The following RPS29 variants were observed in gnomAD, a reference collection of about 807,000 sequenced individuals.
The protein encoded by RPS29 is ribosomal protein S29, also known as small ribosomal subunit protein uS14.
For missense variants in RPS29, 60 were observed against 75.7 expected (o/e 0.79, Z 0.77); for synonymous variants, 37 against 26.9 (o/e 1.37, Z -1.16).
At chr14:49,587,979 T>C (rs1881627189), upstream of RPS29, among the ~76,000 whole-genome samples, 1 of 152,246 alleles carries the variant, frequency 6.6e-6, no homozygotes, top group Admixed American at 6.5e-5. Flanking sequence ...TGAAAAGGTA[T>C]TTTATTTTAA....
In RPS29 at chr14:49,584,001, TGA is replaced by T. The variant is rs369126250; in HGVS notation, c.163-328_163-327del. On this transcript the variant is annotated intron_variant, in intron 2 of 2. Transcript: ENST00000245458. Reference sequence around the variant, plus strand: ...ATTACACAGTTCATCATTTTTTTTTTGAGAGAGAGTCTCGCTGTCTCCCGGAC... The same window carrying T: ...ATTACACAGTTCATCATTTTTTTTTTGAGAGAGTCTCGCTGTCTCCCGGAC... Among the ~76,000 whole-genome samples the T allele has an allele frequency of 2.9e-3, 442 of 152,298 alleles. 2 individuals carry two copies. The highest frequency in any genetic ancestry group is 9.6e-3 in the African/African-American group (398 of 41,556).
chr14:49,585,766 T>A (rs1178788956), intron 2 of RPS29, 184 bp downstream of exon 2: 18 of 585,860 alleles, frequency 3.1e-5, no homozygotes, highest in Non-Finnish European at 5.2e-5. Flanking sequence ...TCCATTCTAT[T>A]AATTTGATTG....
rs543242670 is a variant in RPS29, at chr14:49,591,981, C to T, written c.-132-5503G>A. 2.7e-4 allele frequency among the ~76,000 whole-genome samples: 41 copies of T among 152,154 alleles called. 1 individual carries two copies. Among genetic ancestry groups the T allele is most frequent in the East Asian group, 1.9e-3 (10 of 5,180 alleles). On this transcript the variant is annotated intron_variant, in intron 1 of 3. Transcript: ENST00000556230. Reference sequence around the variant, plus strand: ...AATTTGATTTTCTGATGAGACAGAGCGTATTTTCCTATGTTTATAAGCCAG... The same window carrying T: ...AATTTGATTTTCTGATGAGACAGAGTGTATTTTCCTATGTTTATAAGCCAG...
chr14:49,582,675 C>T (rs79045334), downstream of RPS29, among the ~76,000 whole-genome samples: 1,253 of 152,286 alleles, frequency 8.2e-3, 15 homozygotes, highest in African/African-American at 0.029. Context: ...ACTTGGATTG[C>T]GTAGGGGCTC....
downstream of RPS29, among the ~76,000 whole-genome samples, chr14:49,581,971 A>T (rs956366737): frequency 7.0e-6 from 1 of 142,226 alleles, no homozygotes; most frequent in Non-Finnish European, 1.5e-5. Context: ...GCAGTGCGCC[A>T]CTGCACTCCA....
Position 49,586,380 on chromosome 14 carries a change from G to A in RPS29, c.-34C>T, listed in dbSNP as rs371058773. The A allele has an allele frequency of 2.2e-5, 35 of 1,598,118 alleles. No homozygotes were observed. The African/African-American group carries it at 3.5e-4, about 16-fold the overall frequency. ...CAGCAGTGCAACGAGGTAAAAGGAA[G>A]AAGCTGGCCCACGCATGCGCTCTTC... is the stretch of plus-strand genomic sequence containing the variant. On this transcript the variant is annotated 5_prime_UTR_variant, in exon 1 of 3. Coordinates refer to ENST00000245458, the MANE Select transcript of RPS29 (RefSeq NM_001032.5).
intron 2 of RPS29, among the ~76,000 whole-genome samples, chr14:49,585,101 G>A (rs11629047): frequency 1.3e-5 from 2 of 151,910 alleles, no homozygotes; most frequent in Non-Finnish European, 2.9e-5. Flanking sequence ...CGGGCGCGGT[G>A]GCTCACGCCT....
chr14:49,573,463 A>G (rs1423818357), exon 3 of RPS29: 8 of 149,624 alleles, frequency 5.3e-5, no homozygotes, highest in Admixed American at 5.3e-4. Context: ...ACAGAGTTAG[A>G]ATCAAAAAAA....
At chr14:49,586,418 C>G, upstream of RPS29, 2 of 1,359,940 alleles carry the variant, frequency 1.5e-6, no homozygotes, top group Admixed American at 3.4e-5. Context: ...ATTTTTGAGA[C>G]AGTTTACCCA....
At chr14:49,578,039 A>C (rs2139503376) in intron 2 of RPS29, among the ~76,000 whole-genome samples, 1 of 152,332 alleles carries the variant, frequency 6.6e-6, no homozygotes, top group Admixed American at 6.5e-5. Flanking sequence ...AACAGTTGAA[A>C]TAATCAGAGA....
exon 3 of RPS29, chr14:49,577,690 C>A: frequency 1.2e-6 from 1 of 816,166 alleles, no homozygotes; most frequent in African/African-American, 1.7e-5. Context: ...CTCTGTGTTT[C>A]CACCAGTTAC....
At chr14:49,575,559 T>G (rs1392770336) in exon 3 of RPS29, 1 of 152,210 alleles carries the variant, frequency 6.6e-6, no homozygotes, top group African/African-American at 2.4e-5. Flanking sequence ...CTCTAAATTA[T>G]TTTCTGGCTG....
intron 1 of RPS29, among the ~76,000 whole-genome samples, chr14:49,593,516 T>C (rs144078135): frequency 2.3e-4 from 35 of 151,874 alleles, no homozygotes; most frequent in Non-Finnish European, 3.8e-4. Flanking sequence ...CCAGCCTGAC[T>C]AACATGGTGA....
At chr14:49,582,673 T>G (rs1156451088), downstream of RPS29, among the ~76,000 whole-genome samples, 1 of 152,244 alleles carries the variant, frequency 6.6e-6, no homozygotes, top group African/African-American at 2.4e-5. Context: ...AAACTTGGAT[T>G]GCGTAGGGGC....
At chr14:49,598,674 C>T (rs1279219183) in exon 1 of RPS29, 1 of 700,308 alleles carries the variant, frequency 1.4e-6, no homozygotes. Flanking sequence ...CTGAAACCCT[C>T]GGAATCCTCC....
intron 2 of RPS29, among the ~76,000 whole-genome samples, chr14:49,584,200 C>T (rs1025340195): frequency 1.3e-5 from 2 of 152,234 alleles, no homozygotes; most frequent in Non-Finnish European, 2.9e-5. Flanking sequence ...TGCGGAAACC[C>T]TGGGCTCAAG....
chr14:49,596,895 C>T (rs1186062310), intron 1 of RPS29, among the ~76,000 whole-genome samples: 1 of 150,624 alleles, frequency 6.6e-6, no homozygotes, highest in Non-Finnish European at 1.5e-5. Flanking sequence ...CGCGCCGCCC[C>T]GCCCAACTAA....
At chr14:49,586,688 G>A (rs1398256700), upstream of RPS29, 1 of 286,474 alleles carries the variant, frequency 3.5e-6, no homozygotes, top group South Asian at 4.0e-5. Flanking sequence ...CCGATCGGGT[G>A]TCCGCACTAA....
upstream of RPS29, chr14:49,586,543 C>G: frequency 1.6e-6 from 1 of 608,368 alleles, no homozygotes; most frequent in East Asian, 2.8e-5. Context: ...GTCACCATAC[C>G]ACAGCTTCTA....
Sources: allele counts gnomAD v4.1 joint callset (sites outside exome capture counted in the v4.1 genomes callset), GRCh38; gene constraint gnomAD v4.1.1; transcripts MANE v1.5; gene names NCBI Gene and HGNC (gene_info 2026-07-23, HGNC 2026-07-21).